Variants in SLC24A2 observed in about 807,000 individuals in gnomAD.
The protein encoded by SLC24A2 is solute carrier family 24 member 2.
SLC24A2 carries 36 observed loss-of-function variants against 62.0 expected under a neutral mutation model. The observed-to-expected ratio is 0.58, with a 90% CI of 0.44 to 0.77. The LOEUF is 0.77. Among genes scored for constraint, SLC24A2 ranks in the 30% least tolerant of loss-of-function variants. SLC24A2 has a pLI of 0.00. For synonymous variants in SLC24A2, 358 were observed against 294.0 expected (o/e 1.22, Z -2.23); for missense variants, 846 against 817.9 (o/e 1.03, Z -0.42).
At chr9:19,763,890 C>A (rs1822426670) in intron 2 of SLC24A2, among the ~76,000 whole-genome samples, 2 of 152,160 alleles carry the variant, frequency 1.3e-5, no homozygotes, top group African/African-American at 4.8e-5. Context: ...AGGAATGATA[C>A]CAGCTCCTCT....
In SLC24A2 at chr9:19,757,711, A is replaced by C. The variant is rs189160075; in HGVS notation, c.930+28226T>G. On this transcript the variant is annotated intron_variant, in intron 2 of 10. Transcript: ENST00000341998. The stretch of plus-strand genomic sequence containing the variant: ...ACTATCATTTATTTGTCTTCACCAA[A>C]ATTCACGTTGAAATTTGATCTTCAG... Among the ~76,000 whole-genome samples the C allele has an allele frequency of 1.1e-3, 160 of 152,240 alleles. 1 individual carries two copies. The highest frequency in any genetic ancestry group is 1.9e-3 in the Non-Finnish European group (128 of 68,032).
intron 2 of SLC24A2, among the ~76,000 whole-genome samples, chr9:19,650,735 CACAAAT>C (rs1052736794): frequency 1.3e-5 from 2 of 152,028 alleles, no homozygotes; most frequent in Non-Finnish European, 1.5e-5. Flanking sequence ...CACACACACA[CACAAAT>C]AAAAATACAG....
At chr9:19,928,179 G>A in the SLC24A2 span, 1 of 152,400 alleles carries the variant, frequency 6.6e-6, no homozygotes, top group Non-Finnish European at 1.5e-5. Flanking sequence ...CAGCCAAGAA[G>A]CAGGTTCTAG....
chr9:19,732,991 A>G (rs939602304), intron 2 of SLC24A2, among the ~76,000 whole-genome samples: 3 of 152,142 alleles, frequency 2.0e-5, no homozygotes, highest in Non-Finnish European at 4.4e-5. Context: ...GGTATCCCTT[A>G]GACCATTTCA....
chr9:19,709,964 C>G (rs758888678), intron 2 of SLC24A2, among the ~76,000 whole-genome samples: 7 of 152,070 alleles, frequency 4.6e-5, no homozygotes, highest in Non-Finnish European at 7.4e-5. Flanking sequence ...ACCTCTTCCT[C>G]TAGAAGATTC....
At chr9:20,170,437 G>A in the SLC24A2 span, among the ~76,000 whole-genome samples, 6 of 152,070 alleles carry the variant, frequency 3.9e-5, no homozygotes, top group East Asian at 1.9e-4. Context: ...GGGGTCAGAC[G>A]CACAATCTGA....
the SLC24A2 span, among the ~76,000 whole-genome samples, chr9:20,186,467 A>G: frequency 1.3e-5 from 2 of 152,222 alleles, no homozygotes; most frequent in African/African-American, 4.8e-5. Flanking sequence ...CTACCCCCAG[A>G]TTCTCAACCA....
intron 7 of SLC24A2, among the ~76,000 whole-genome samples, chr9:19,552,368 C>A (rs959862380): frequency 6.6e-6 from 1 of 152,194 alleles, no homozygotes; most frequent in South Asian, 2.1e-4. Flanking sequence ...GGTATATTTT[C>A]CTGTCTGTTC....
chr9:19,868,956 G>C, the SLC24A2 span, among the ~76,000 whole-genome samples: 4 of 152,016 alleles, frequency 2.6e-5, no homozygotes, highest in African/African-American at 9.7e-5. Context: ...TTTAGTTCAT[G>C]CACAATTAAT....
At chr9:20,191,442 A>T in the SLC24A2 span, among the ~76,000 whole-genome samples, 1 of 152,042 alleles carries the variant, frequency 6.6e-6, no homozygotes, top group Non-Finnish European at 1.5e-5. Flanking sequence ...CTCACCAGGG[A>T]TAAGTACACT....
the SLC24A2 span, among the ~76,000 whole-genome samples, chr9:20,252,723 G>C: frequency 6.6e-6 from 1 of 152,042 alleles, no homozygotes; most frequent in Non-Finnish European, 1.5e-5. Flanking sequence ...CCAATTGGCA[G>C]TTGTTGTTGT....
the SLC24A2 span, among the ~76,000 whole-genome samples, chr9:20,017,224 C>T: frequency 2.0e-5 from 3 of 151,990 alleles, no homozygotes; most frequent in Non-Finnish European, 2.9e-5. Context: ...GGTTTCACCA[C>T]GTTGCCCAGA....
the SLC24A2 span, among the ~76,000 whole-genome samples, chr9:19,990,153 T>A: frequency 1.3e-5 from 2 of 152,184 alleles, no homozygotes; most frequent in Non-Finnish European, 2.9e-5. Context: ...ACCATAATCC[T>A]GTAAAATTTG....
chr9:20,286,242 G>C, the SLC24A2 span, among the ~76,000 whole-genome samples: 1 of 152,130 alleles, frequency 6.6e-6, no homozygotes, highest in Non-Finnish European at 1.5e-5. Context: ...AGCTACCATG[G>C]CTTGACCAAA....
At chr9:20,096,408 A>T in the SLC24A2 span, among the ~76,000 whole-genome samples, 1 of 152,096 alleles carries the variant, frequency 6.6e-6, no homozygotes, top group Non-Finnish European at 1.5e-5. Flanking sequence ...TCCACATGTT[A>T]TTGACTCTCC....
chr9:19,982,186 G>A, the SLC24A2 span, among the ~76,000 whole-genome samples: 7 of 152,138 alleles, frequency 4.6e-5, no homozygotes, highest in East Asian at 1.9e-4. Context: ...TGGGTTTCAT[G>A]TAAAAGAAAC....
At chr9:19,991,581 C>A in the SLC24A2 span, among the ~76,000 whole-genome samples, 1 of 152,152 alleles carries the variant, frequency 6.6e-6, no homozygotes, top group African/African-American at 2.4e-5. Context: ...CAGGAATTCT[C>A]TGGGTGCCTT....
intron 7 of SLC24A2, among the ~76,000 whole-genome samples, chr9:19,553,589 G>T (rs994940511): frequency 6.6e-6 from 1 of 152,130 alleles, no homozygotes; most frequent in African/African-American, 2.4e-5. Context: ...GTGGTGTGTT[G>T]GTTGTCAGAA....
chr9:19,667,547 C>T (rs1339951519), intron 2 of SLC24A2, among the ~76,000 whole-genome samples: 2 of 152,150 alleles, frequency 1.3e-5, no homozygotes, highest in East Asian at 3.9e-4. Context: ...ATCATAGCCC[C>T]TTAGAGGTCT....
Sources: gnomAD v4.1 joint callset for allele counts (sites outside exome capture counted in the v4.1 genomes callset) on GRCh38, gnomAD v4.1.1 for gene constraint, MANE v1.5 for transcripts, NCBI Gene and HGNC (gene_info 2026-07-23, HGNC 2026-07-21) for gene names.